Variants in ZNF148 observed in about 807,000 individuals in gnomAD.
ZNF148 encodes the protein Beta-Enolase Repressor Factor-1.
Under a neutral mutation model 67.7 loss-of-function variants are expected in ZNF148, and 7 were observed. The observed-to-expected ratio is 0.10, with a 90% CI of 0.06 to 0.19. The LOEUF (loss-of-function observed/expected upper bound fraction) is 0.19, where lower values mean the gene tolerates loss of function less well. Ranked by LOEUF, ZNF148 falls within the 10% of genes least tolerant of loss-of-function variation. The pLI is 1.00. For synonymous variants in ZNF148, 333 were observed against 330.7 expected (o/e 1.01, Z -0.08); for missense variants, 583 against 947.1 (o/e 0.62, Z 5.05).
intron 1 of ZNF148, among the ~76,000 whole-genome samples, chr3:125,371,095 G>C (rs1356814814): frequency 6.6e-6 from 1 of 152,090 alleles, no homozygotes; most frequent in Non-Finnish European, 1.5e-5. Flanking sequence ...GCTCACGCCT[G>C]TAATCCTAGC....
chr3:125,324,724 A>C lies in ZNF148; in HGVS notation c.-152-1280T>G, dbSNP rs1201710183. ...TGGTACAAAGGCAAAAAGAATAAAT[A>C]GTCTTTCCCACCTACATCCATATCA... On this transcript the variant is annotated intron_variant, in intron 2 of 8. Transcript: ENST00000360647. Among the ~76,000 whole-genome samples, 3 of 152,238 alleles carry C rather than the reference A, an allele frequency of 2.0e-5. No homozygotes were observed. In the East Asian group the frequency reaches 5.8e-4, roughly 29 times the overall value.
Position 125,235,717 on chromosome 3 carries a change from T to C in ZNF148, c.668-1388A>G, listed in dbSNP as rs189956431. On this transcript the variant is annotated intron_variant, in intron 7 of 8. Coordinates refer to ENST00000360647, the MANE Select transcript of ZNF148 (RefSeq NM_021964.3). ...AACCAACCCAAATGTCCAACAACGA[T>C]AGACTGGATTAAGAAAATGTGGCAC... 1.6e-3 allele frequency among the ~76,000 whole-genome samples: 239 copies of C among 151,946 alleles called. 6 individuals carry two copies. The highest frequency in any genetic ancestry group is 0.013 in the Admixed American group (198 of 15,256).
At chr3:125,366,880 T>C (rs770496975) in intron 1 of ZNF148, among the ~76,000 whole-genome samples, 9 of 152,196 alleles carry the variant, frequency 5.9e-5, no homozygotes, top group Non-Finnish European at 1.3e-4. Flanking sequence ...AAAGACTAGC[T>C]AAAATTCCAC....
chr3:125,310,659 A>C (rs1219170901), intron 4 of ZNF148, among the ~76,000 whole-genome samples: 1 of 152,206 alleles, frequency 6.6e-6, no homozygotes, highest in Non-Finnish European at 1.5e-5. Flanking sequence ...AAAAAAATCA[A>C]GAAAATCAAA....
intron 1 of ZNF148, among the ~76,000 whole-genome samples, chr3:125,353,324 G>A (rs1942221921): frequency 6.6e-6 from 1 of 152,026 alleles, no homozygotes; most frequent in Admixed American, 6.5e-5. Context: ...AGCAAGAGGA[G>A]TTTCCTTTGT....
intron 1 of ZNF148, chr3:125,344,194 G>T: frequency 3.1e-6 from 1 of 318,246 alleles, no homozygotes; most frequent in Non-Finnish European, 6.1e-6. Flanking sequence ...TCTCTTTGTA[G>T]TGATTTTTCT....
At chr3:125,340,518 C>T (rs564117907) in intron 1 of ZNF148, among the ~76,000 whole-genome samples, 1 of 152,204 alleles carries the variant, frequency 6.6e-6, no homozygotes, top group Non-Finnish European at 1.5e-5. Flanking sequence ...CCTCTCCCAT[C>T]TGTAGACAAT....
At position 125,288,234 on chromosome 3, in the gene ZNF148, T is replaced by A. The variant is rs753598230; in HGVS notation, c.334-6A>T. 4 of 1,596,886 alleles carry A rather than the reference T, an allele frequency of 2.5e-6. No individual in the cohort carries two copies. The highest frequency in any genetic ancestry group is 3.4e-6 in the Non-Finnish European group (4 of 1,175,374). On this transcript the variant is annotated splice_region_variant and splice_polypyrimidine_tract_variant and intron_variant, in intron 4 of 8. Coordinates refer to ENST00000360647, the MANE Select transcript of ZNF148 (RefSeq NM_021964.3). Reference sequence around the variant, plus strand: ...ATTTCCTGCTTTACGCTTATCTGTTTAAAAAAAGAAAAGCCAATTTTAGAC... The same window carrying A: ...ATTTCCTGCTTTACGCTTATCTGTTAAAAAAAAGAAAAGCCAATTTTAGAC...
At chr3:125,294,639 T>G (rs906675244) in intron 4 of ZNF148, among the ~76,000 whole-genome samples, 4 of 152,174 alleles carry the variant, frequency 2.6e-5, no homozygotes, top group Non-Finnish European at 4.4e-5. Flanking sequence ...CTGTCCTAAG[T>G]GCTGAAGATA....
At chr3:125,323,864 C>A (rs1442294856) in intron 2 of ZNF148, among the ~76,000 whole-genome samples, 1 of 151,570 alleles carries the variant, frequency 6.6e-6, no homozygotes, top group Non-Finnish European at 1.5e-5. Flanking sequence ...GAGGCTGAGG[C>A]AGGAGAATGG....
At chr3:125,241,910 T>C (rs1936382220) in intron 7 of ZNF148, among the ~76,000 whole-genome samples, 1 of 152,266 alleles carries the variant, frequency 6.6e-6, no homozygotes, top group African/African-American at 2.4e-5. Flanking sequence ...TAACTCACTA[T>C]GTTGTCAAAC....
At chr3:125,248,159 ATGGC>A (rs2107541699) in intron 7 of ZNF148, among the ~76,000 whole-genome samples, 1 of 152,356 alleles carries the variant, frequency 6.6e-6, no homozygotes, top group South Asian at 2.1e-4. Context: ...AATTAGTAAA[ATGGC>A]TGGATATGTA....
rs559930440 is a variant in ZNF148 at position 125,226,539 on chromosome 3, C to A, written c.*5802G>T. 1 of 152,496 alleles carries A rather than the reference C, an allele frequency of 6.6e-6. No individual in the cohort carries two copies. Among genetic ancestry groups the A allele is most frequent in the Non-Finnish European group, 1.5e-5 (1 of 68,016 alleles). The allele number at this position is 152,496 out of a possible 1,614,324, so 9.4% of individuals were successfully genotyped here. ...CCAAATGGCAAAGATAACTATATGA[C>A]AATAGTGTTGAAAGCCGTGAAACTC... On this transcript the variant is annotated 3_prime_UTR_variant, in exon 9 of 9. Transcript: ENST00000360647.
At chr3:125,352,201 T>C (rs991112038) in intron 1 of ZNF148, among the ~76,000 whole-genome samples, 3 of 149,036 alleles carry the variant, frequency 2.0e-5, no homozygotes, top group African/African-American at 7.4e-5. Context: ...ACCCATATAA[T>C]AGATTACTAT....
chr3:125,259,563 T>G (rs763783751), intron 7 of ZNF148, among the ~76,000 whole-genome samples: 12 of 152,326 alleles, frequency 7.9e-5, no homozygotes, highest in Non-Finnish European at 1.5e-4. Flanking sequence ...TGTTTCTCAG[T>G]GCATGTAAAA....
chr3:125,242,237 G>C (rs1936397357), intron 7 of ZNF148, among the ~76,000 whole-genome samples: 2 of 152,146 alleles, frequency 1.3e-5, no homozygotes, highest in African/African-American at 2.4e-5. Flanking sequence ...ACTGGATTTT[G>C]AGTGTTATTT....
intron 4 of ZNF148, among the ~76,000 whole-genome samples, chr3:125,299,787 AAAT>A (rs1490493994): frequency 7.2e-5 from 11 of 152,202 alleles, no homozygotes; most frequent in African/African-American, 1.9e-4. Context: ...CTTTCTGCCC[AAAT>A]AATGATTGCT....
intron 7 of ZNF148, among the ~76,000 whole-genome samples, chr3:125,253,457 T>C (rs1310359581): frequency 2.0e-5 from 3 of 152,162 alleles, no homozygotes; most frequent in Non-Finnish European, 4.4e-5. Context: ...CTGGCCTTAC[T>C]GCACTGACTA....
At chr3:125,349,413 G>A (rs528372629) in intron 1 of ZNF148, among the ~76,000 whole-genome samples, 2 of 152,206 alleles carry the variant, frequency 1.3e-5, no homozygotes, top group Admixed American at 1.3e-4. Context: ...TTTCAAATGG[G>A]AAAAGGACCT....
Sources: allele counts gnomAD v4.1 joint callset (sites outside exome capture counted in the v4.1 genomes callset), GRCh38; gene constraint gnomAD v4.1.1; transcripts MANE v1.5; gene names NCBI Gene and HGNC (gene_info 2026-07-23, HGNC 2026-07-21).